The following PPP4R3B variants were observed in gnomAD, a reference collection of about 807,000 sequenced individuals.
PPP4R3B encodes the protein protein phosphatase 4 regulatory subunit 3B.
Under a neutral mutation model 95.4 loss-of-function variants are expected in PPP4R3B, and 52 were observed. The observed-to-expected ratio is 0.54, with a 90% confidence interval of 0.44 to 0.69. The LOEUF (loss-of-function observed/expected upper bound fraction) is 0.69. PPP4R3B is among the 30% of genes least tolerant of loss of function. The pLI is 0.00. For synonymous variants in PPP4R3B, 407 were observed against 343.9 expected, an observed-to-expected ratio of 1.18 and a Z score of -2.03; for missense variants, 1,003 against 1,005.9, an observed-to-expected ratio of 1.00 and a Z score of 0.04.
At chr2:55,567,715 C>T (rs1368584640) in intron 13 of PPP4R3B, among the ~76,000 whole-genome samples, 2 of 152,154 alleles carry the variant, frequency 1.3e-5, no homozygotes, top group Admixed American at 6.5e-5. Flanking sequence ...CACGCCCAAC[C>T]CCAAGTGAAT....
intron 12 of PPP4R3B, among the ~76,000 whole-genome samples, chr2:55,569,094 G>A (rs765969112): frequency 5.3e-5 from 8 of 151,964 alleles, no homozygotes; most frequent in African/African-American, 7.2e-5. Flanking sequence ...AATAATCCTC[G>A]CTCTACAATC....
chr2:55,575,140 C>T (rs918353755), intron 11 of PPP4R3B, among the ~76,000 whole-genome samples: 92 of 151,634 alleles, frequency 6.1e-4, no homozygotes, highest in Non-Finnish European at 6.6e-4. Flanking sequence ...TGGGGTTTCA[C>T]CGTGTTAGCC....
chr2:55,600,956 A>G (rs965988925), intron 3 of PPP4R3B, among the ~76,000 whole-genome samples: 2 of 152,018 alleles, frequency 1.3e-5, no homozygotes, highest in Admixed American at 1.3e-4. Flanking sequence ...CAGGAGTTCA[A>G]GACCAGCCTG....
chr2:55,572,120 A>G (rs769379297), intron 12 of PPP4R3B, among the ~76,000 whole-genome samples: 8 of 152,368 alleles, frequency 5.3e-5, no homozygotes, highest in South Asian at 2.1e-4. Flanking sequence ...ATTTCAAAGT[A>G]TATGTGCAAA....
At chr2:55,579,651 T>C (rs1390888556) in intron 9 of PPP4R3B, 28 bp downstream of exon 9, 1 of 1,424,442 alleles carries the variant, frequency 7.0e-7, no homozygotes, top group Non-Finnish European at 9.4e-7. Flanking sequence ...AAAACAGAAA[T>C]CACAGCAGAT....
chr2:55,568,776 T>C (rs182560324), intron 12 of PPP4R3B, among the ~76,000 whole-genome samples: 9 of 152,188 alleles, frequency 5.9e-5, no homozygotes, highest in Non-Finnish European at 1.2e-4. Flanking sequence ...CAGCTCAGAA[T>C]CAGTGGGGGC....
intron 3 of PPP4R3B, among the ~76,000 whole-genome samples, chr2:55,601,419 A>G (rs902451754): frequency 3.3e-5 from 5 of 150,168 alleles, no homozygotes; most frequent in African/African-American, 1.2e-4. Context: ...CTCGCTCTGT[A>G]GCCCAGGCTG....
At chr2:55,578,870 T>C (rs1290387598) in intron 9 of PPP4R3B, among the ~76,000 whole-genome samples, 1 of 152,086 alleles carries the variant, frequency 6.6e-6, no homozygotes, top group African/African-American at 2.4e-5. Context: ...ATATTTCTGA[T>C]TTCACTAATT....
At chr2:55,568,125 TA>T in intron 13 of PPP4R3B, 68 bp downstream of exon 13, 1 of 1,106,182 alleles carries the variant, frequency 9.0e-7, no homozygotes. Context: ...TGCTTACATG[TA>T]ATTCTTTTAC....
At chr2:55,583,872 T>C (rs183117246) in intron 7 of PPP4R3B, among the ~76,000 whole-genome samples, 7 of 152,346 alleles carry the variant, frequency 4.6e-5, no homozygotes, top group Admixed American at 4.6e-4. Flanking sequence ...CAGTGGTAAC[T>C]GATGCAAGCA....
At chr2:55,594,982 G>C (rs1479271720) in intron 4 of PPP4R3B, among the ~76,000 whole-genome samples, 3 of 151,018 alleles carry the variant, frequency 2.0e-5, no homozygotes, top group African/African-American at 2.4e-5. Flanking sequence ...TAGGCACTAA[G>C]TCAGAGATAG....
intron 11 of PPP4R3B, 44 bp from the exon 12 acceptor site, chr2:55,573,821 CTAAA>C: frequency 8.2e-7 from 1 of 1,216,278 alleles, no homozygotes. Flanking sequence ...TTGAATATAT[CTAAA>C]TAAAGAATAA....
intron 4 of PPP4R3B, among the ~76,000 whole-genome samples, chr2:55,596,114 T>C (rs750067383): frequency 1.4e-4 from 22 of 152,010 alleles, no homozygotes; most frequent in Admixed American, 4.6e-4. Context: ...TACACCCCAA[T>C]AATAACAGTA....
At chr2:55,565,756 C>T (rs1418020432) in intron 13 of PPP4R3B, 1 of 209,482 alleles carries the variant, frequency 4.8e-6, no homozygotes. Flanking sequence ...ATGAGCCTAA[C>T]TCTGCCACAT....
At chr2:55,615,303 A>G in intron 2 of PPP4R3B, 148 bp downstream of exon 2, 4 of 663,130 alleles carry the variant, frequency 6.0e-6, no homozygotes, top group Non-Finnish European at 1.0e-5. Flanking sequence ...TTTCAGTCTG[A>G]AACTTTTAAC....
At chr2:55,607,847 T>C (rs991964490) in intron 2 of PPP4R3B, among the ~76,000 whole-genome samples, 24 of 152,196 alleles carry the variant, frequency 1.6e-4, no homozygotes, top group Admixed American at 1.6e-3. Context: ...TGGATATTAC[T>C]AACAGAATGA....
chr2:55,590,595 T>C (rs1690871329), intron 4 of PPP4R3B, among the ~76,000 whole-genome samples: 1 of 152,302 alleles, frequency 6.6e-6, no homozygotes, highest in African/African-American at 2.4e-5. Flanking sequence ...TTCATCAAAA[T>C]CTGCTAAAAA....
Position 55,588,909 on chromosome 2 carries a change from C to G in PPP4R3B, c.969G>C (p.Glu323Asp). ...CACGCCGTTTATCATCATCTGTAGC[C>G]TCATCTGTTAATTGTGCAAAAACTT... ...LSEVFAQLTD[E>D]ATDDDKRREL... Residue 323 changes from glutamate to aspartate, a missense_variant, in exon 5 of 17, where the codon GAG (glutamate) becomes GAC (aspartate). By Grantham distance (45) the Glu-to-Asp change is conservative. Around this residue, in one of 3 missense-constraint regions of PPP4R3B, gnomAD observed 695 missense variants for 686.2 expected, o/e 1.01. Coordinates refer to ENST00000616407, the MANE Select transcript of PPP4R3B (RefSeq NM_001122964.3). 6.2e-7 allele frequency: 1 copy of G among 1,610,628 alleles called. No homozygotes were observed. The highest frequency in any genetic ancestry group is 1.3e-5 in the African/African-American group (1 of 74,982).
intron 4 of PPP4R3B, among the ~76,000 whole-genome samples, chr2:55,594,331 A>G (rs984179969): frequency 1.3e-5 from 2 of 150,896 alleles, no homozygotes; most frequent in East Asian, 1.9e-4. Context: ...ATTCAACATC[A>G]TTGCTGGCAC....
Sources: gnomAD v4.1 joint callset for allele counts (sites outside exome capture counted in the v4.1 genomes callset) on GRCh38, gnomAD v4.1.1 for gene constraint, gnomAD v4.1.1 regional missense constraint, MANE v1.5 for transcripts, NCBI Gene and HGNC (gene_info 2026-07-23, HGNC 2026-07-21) for gene names.